Variants in SMIM45 observed in about 807,000 individuals in gnomAD.
The protein encoded by SMIM45 is small integral membrane protein 45, also known as long intergenic non-protein coding RNA 634.
At chr22:41,957,061 G>A in the SMIM45 span, among the ~76,000 whole-genome samples, 2 of 151,980 alleles carry the variant, frequency 1.3e-5, no homozygotes, top group South Asian at 2.1e-4. Flanking sequence ...GATTACAGGT[G>A]TGAGCCACTG....
the SMIM45 span, among the ~76,000 whole-genome samples, chr22:41,953,650 C>G: frequency 6.6e-6 from 1 of 152,006 alleles, no homozygotes; most frequent in Non-Finnish European, 1.5e-5. Flanking sequence ...TCACGTCACC[C>G]CTTTCTTATA....
the SMIM45 span, among the ~76,000 whole-genome samples, chr22:41,954,177 C>T: frequency 1.3e-5 from 2 of 150,774 alleles, no homozygotes; most frequent in Non-Finnish European, 3.0e-5. Flanking sequence ...ATAGGAATAG[C>T]ACCCACGTCC....
At chr22:41,948,844 C>G in the SMIM45 span, among the ~76,000 whole-genome samples, 1 of 152,150 alleles carries the variant, frequency 6.6e-6, no homozygotes, top group East Asian at 1.9e-4. Flanking sequence ...GGGCGGATCA[C>G]CTGACATCAG....
At chr22:41,946,964 T>C in the SMIM45 span, 2 of 1,579,544 alleles carry the variant, frequency 1.3e-6, no homozygotes, top group East Asian at 2.2e-5. Context: ...ACCTAGTGGC[T>C]GAAGCACCGC....
chr22:41,957,001 G>T, the SMIM45 span, among the ~76,000 whole-genome samples: 10 of 152,112 alleles, frequency 6.6e-5, no homozygotes, highest in African/African-American at 2.2e-4. Flanking sequence ...GGCTGGTCTT[G>T]AACTCCTGAC....
the SMIM45 span, chr22:41,947,197 A>T: frequency 6.7e-6 from 6 of 892,002 alleles, no homozygotes; most frequent in Non-Finnish European, 1.1e-5. Context: ...GCTTCGCGGG[A>T]CGGGACGGGG....
chr22:41,947,096 G>C, the SMIM45 span: 4 of 1,612,194 alleles, frequency 2.5e-6, no homozygotes, highest in Non-Finnish European at 3.4e-6. Flanking sequence ...AGGACCAACC[G>C]TTGCTCCTGC....
chr22:41,952,700 C>T, the SMIM45 span, among the ~76,000 whole-genome samples: 5 of 152,306 alleles, frequency 3.3e-5, no homozygotes, highest in African/African-American at 9.6e-5. Context: ...CAGGAAGAGA[C>T]CACGGGGTCC....
At chr22:41,954,187 C>G in the SMIM45 span, among the ~76,000 whole-genome samples, 60 of 148,724 alleles carry the variant, frequency 4.0e-4, no homozygotes, top group African/African-American at 1.5e-3. Context: ...CACCCACGTC[C>G]TAAGGGTACT....
chr22:41,947,213 TA>T, the SMIM45 span: 1 of 735,272 alleles, frequency 1.4e-6, no homozygotes, highest in Non-Finnish European at 2.3e-6. Context: ...CGGGGCCTCT[TA>T]AAGGAACCGA....
At chr22:41,948,018 T>C in the SMIM45 span, among the ~76,000 whole-genome samples, 28 of 152,174 alleles carry the variant, frequency 1.8e-4, no homozygotes, top group East Asian at 1.9e-3. Flanking sequence ...GGTTCCTTGC[T>C]GCAAACACAG....
At chr22:41,958,177 T>C in the SMIM45 span, 1 of 380,528 alleles carries the variant, frequency 2.6e-6, no homozygotes, top group Non-Finnish European at 5.3e-6. Flanking sequence ...CCCCAGTGCC[T>C]TTGCGCTGCG....
chr22:41,949,654 G>A, the SMIM45 span, among the ~76,000 whole-genome samples: 1 of 152,220 alleles, frequency 6.6e-6, no homozygotes, highest in Non-Finnish European at 1.5e-5. Flanking sequence ...CATGTGCTGA[G>A]TGCCTGCCCT....
At chr22:41,947,436 C>A in the SMIM45 span, among the ~76,000 whole-genome samples, 1 of 150,552 alleles carries the variant, frequency 6.6e-6, no homozygotes, top group Non-Finnish European at 1.5e-5. Flanking sequence ...CGCGCAATCT[C>A]GGCTCACTGC....
At chr22:41,956,819 C>T in the SMIM45 span, among the ~76,000 whole-genome samples, 13 of 152,146 alleles carry the variant, frequency 8.5e-5, no homozygotes, top group South Asian at 2.1e-4. Context: ...ATGGTTAAGT[C>T]GCTCTGTTGC....
chr22:41,957,208 T>TTC, the SMIM45 span, among the ~76,000 whole-genome samples: 3 of 139,250 alleles, frequency 2.2e-5, no homozygotes, highest in African/African-American at 8.6e-5. Flanking sequence ...TTTTTTTTTT[T>TTC]CCTGAGACGG....
the SMIM45 span, among the ~76,000 whole-genome samples, chr22:41,951,816 T>A: frequency 6.6e-6 from 1 of 152,216 alleles, no homozygotes. Context: ...TGGTCACTGA[T>A]TCTCTGTCCC....
chr22:41,958,505 A>AGAGAGAGAGAGAGAGAGAGAGAGT, the SMIM45 span: 2 of 400,528 alleles, frequency 5.0e-6, no homozygotes, highest in African/African-American at 4.3e-5. Context: ...AGAGAGAGAG[A>AGAGAGAGAGAGAGAGAGAGAGAGT]GAGTCTGGGG....
At chr22:41,958,340 A>G in the SMIM45 span, 1 of 456,664 alleles carries the variant, frequency 2.2e-6, no homozygotes, top group African/African-American at 2.0e-5. Flanking sequence ...CAACCCAAGG[A>G]AAGAACCTAA....
Sources: allele counts gnomAD v4.1 joint callset (sites outside exome capture counted in the v4.1 genomes callset), GRCh38; gene constraint gnomAD v4.1.1; transcripts MANE v1.5; gene names NCBI Gene and HGNC (gene_info 2026-07-23, HGNC 2026-07-21).